Variants in PRRG1 observed in about 807,000 individuals in gnomAD.
The protein encoded by PRRG1 is proline rich and Gla domain 1, also known as transmembrane gamma-carboxyglutamic acid protein 1.
PRRG1 carries 5 observed loss-of-function variants against 11.8 expected under a neutral mutation model. That is an observed-to-expected ratio of 0.42 (90% CI 0.22 to 0.89). PRRG1 has a LOEUF of 0.89. Among genes scored for constraint, PRRG1 ranks in the 40% least tolerant of loss-of-function variants. PRRG1 has a pLI of 0.28. For synonymous variants in PRRG1, 66 were observed against 60.4 expected (o/e 1.09, Z -0.43); for missense variants, 155 against 166.1 (o/e 0.93, Z 0.37).
intron 3 of PRRG1, among the ~76,000 whole-genome samples, chrX:37,447,467 T>G (rs782208454): frequency 4.4e-5 from 5 of 112,436 alleles, no homozygotes; most frequent in Non-Finnish European, 9.4e-5. Context: ...TATGAAGAAC[T>G]AAGCTGCAAT....
At chrX:37,426,162 A>G (rs2146607270) in intron 3 of PRRG1, among the ~76,000 whole-genome samples, 162 bp downstream of exon 3, 1 of 111,434 alleles carries the variant, frequency 9.0e-6, no homozygotes, top group East Asian at 2.8e-4. Context: ...TGGGTTGGAG[A>G]GCTAGGTTCA....
At chrX:37,395,513 G>T (rs781910316) in intron 1 of PRRG1, among the ~76,000 whole-genome samples, 1 of 109,082 alleles carries the variant, frequency 9.2e-6, no homozygotes, top group Non-Finnish European at 1.9e-5. Flanking sequence ...TACTCGGGAG[G>T]CTGAGGCAGG....
chrX:37,422,654 GCATGTATCATGTTCCTTTTCAGATTTA>G (rs1556387352), intron 2 of PRRG1, among the ~76,000 whole-genome samples: 2 of 111,741 alleles, frequency 1.8e-5, no homozygotes, highest in African/African-American at 6.5e-5. Flanking sequence ...TATCACAAAT[GCATGTATCATGTTCCTTTTCAGATTTA>G]CAAATACATG....
intron 3 of PRRG1, among the ~76,000 whole-genome samples, chrX:37,437,311 G>T (rs781910163): frequency 9.0e-6 from 1 of 110,894 alleles, no homozygotes; most frequent in Non-Finnish European, 1.9e-5. Context: ...AGGGCGGGGG[G>T]GGAGGTGCTC....
intron 1 of PRRG1, among the ~76,000 whole-genome samples, chrX:37,390,948 C>T (rs782239337): frequency 1.8e-5 from 2 of 112,316 alleles, no homozygotes; most frequent in South Asian, 3.7e-4. Context: ...AGCACATAGC[C>T]CCAGGAATGA....
At chrX:37,442,692 A>G (rs1481969674) in intron 3 of PRRG1, among the ~76,000 whole-genome samples, 1 of 110,848 alleles carries the variant, frequency 9.0e-6, no homozygotes, top group Non-Finnish European at 1.9e-5. Context: ...GCAAATGATA[A>G]CTTTTCTTGT....
At chrX:37,393,163 A>G (rs1007395826) in intron 1 of PRRG1, among the ~76,000 whole-genome samples, 19 of 110,915 alleles carry the variant, frequency 1.7e-4, no homozygotes, top group African/African-American at 6.2e-4. Flanking sequence ...GCAACATCTA[A>G]CAGCATTTTG....
chrX:37,353,356 A>G (rs1930132450), intron 1 of PRRG1, among the ~76,000 whole-genome samples: 1 of 112,875 alleles, frequency 8.9e-6, no homozygotes, highest in Non-Finnish European at 1.9e-5. Flanking sequence ...GCTCAGTATT[A>G]TTACAAAAGA....
chrX:37,387,706 G>A (rs1189231392), intron 1 of PRRG1, among the ~76,000 whole-genome samples: 4 of 111,002 alleles, frequency 3.6e-5, no homozygotes, highest in African/African-American at 1.3e-4. Context: ...TGAGATTTGG[G>A]TGGGGACACA....
intron 2 of PRRG1, among the ~76,000 whole-genome samples, chrX:37,420,668 C>CAAAAAAAA (rs1302856034): frequency 4.1e-4 from 12 of 29,459 alleles, no homozygotes; most frequent in East Asian, 1.0e-3. Context: ...CCCGTCTATG[C>CAAAAAAAA]AAAAAAAAAA....
chrX:37,422,786 C>G (rs971881495), intron 2 of PRRG1, among the ~76,000 whole-genome samples: 1 of 111,587 alleles, frequency 9.0e-6, no homozygotes, highest in Non-Finnish European at 1.9e-5. Context: ...CTAGTGACAT[C>G]ATAGCATCAC....
chrX:37,350,116 T>G (rs1168495681), intron 1 of PRRG1, among the ~76,000 whole-genome samples: 2 of 109,845 alleles, frequency 1.8e-5, no homozygotes, highest in African/African-American at 6.7e-5. Flanking sequence ...CTGCTTCAGG[T>G]TTTTCCTTCT....
rs782740396 is a variant in PRRG1, at chrX:37,397,742, G to A, written c.-41-8467G>A. Among the ~76,000 whole-genome samples the A allele has an allele frequency of 1.2e-3, 128 of 111,090 alleles. 1 individual carries two copies. Among genetic ancestry groups the A allele is most frequent in the Non-Finnish European group, 2.0e-3 (106 of 53,001 alleles). ...ATGAGTAGAGGCTGGTTTGGCTGGA[G>A]TGTAGTATAACTATTAAGGAAGGTG... On this transcript the variant is annotated intron_variant, in intron 1 of 3. Transcript: ENST00000378628.
At position 37,426,018 on chromosome X, in the gene PRRG1, TAAA is replaced by T. The variant is rs782344723; in HGVS notation, c.171+21_171+23del. 20 of 1,159,044 alleles carry T rather than the reference TAAA, an allele frequency of 1.7e-5. No homozygotes were observed. Among genetic ancestry groups the T allele is most frequent in the Non-Finnish European group, 1.5e-5 (13 of 869,356 alleles). On this transcript the variant is annotated intron_variant, in intron 3 of 3. Transcript: ENST00000378628. Reference sequence around the variant, plus strand: ...AAAAAACTGTAAGTATGTTGGCAATTAAAAAGTTGCACAGATTTGCCTACCTTT... The same window carrying T: ...AAAAAACTGTAAGTATGTTGGCAATTAAGTTGCACAGATTTGCCTACCTTT...
intron 1 of PRRG1, among the ~76,000 whole-genome samples, chrX:37,363,956 A>G (rs151002930): frequency 0.019 from 2,161 of 111,879 alleles, 54 homozygotes; most frequent in African/African-American, 0.066. Context: ...AAACTGTCTA[A>G]AACAGAACTT....
At chrX:37,452,316 C>T (rs1039616345) in intron 3 of PRRG1, among the ~76,000 whole-genome samples, 1 of 112,080 alleles carries the variant, frequency 8.9e-6, no homozygotes, top group Non-Finnish European at 1.9e-5. Flanking sequence ...CACAGGCAGC[C>T]TGTAAGGTAG....
intron 1 of PRRG1, among the ~76,000 whole-genome samples, chrX:37,350,079 G>A (rs1323138580): frequency 9.4e-6 from 1 of 106,062 alleles, no homozygotes; most frequent in Non-Finnish European, 1.9e-5. Context: ...GGCGTGGGGG[G>A]AAGTGAAAGG....
At chrX:37,362,169 A>G (rs1458011009) in intron 1 of PRRG1, among the ~76,000 whole-genome samples, 2 of 112,339 alleles carry the variant, frequency 1.8e-5, no homozygotes, top group Non-Finnish European at 3.8e-5. Context: ...GTTGCATTAA[A>G]TATGAACTAT....
At chrX:37,387,708 G>A (rs374115176) in intron 1 of PRRG1, among the ~76,000 whole-genome samples, 1 of 111,072 alleles carries the variant, frequency 9.0e-6, no homozygotes. Flanking sequence ...AGATTTGGGT[G>A]GGGACACAGA....
Sources: gnomAD v4.1 joint callset for allele counts (sites outside exome capture counted in the v4.1 genomes callset) on GRCh38, gnomAD v4.1.1 for gene constraint, MANE v1.5 for transcripts, NCBI Gene and HGNC (gene_info 2026-07-23, HGNC 2026-07-21) for gene names.